KDM3B: variants seen among roughly 807,000 people sequenced by gnomAD.
KDM3B encodes lysine demethylase 3B.
A neutral mutation model predicts 170.0 loss-of-function variants in KDM3B; 10 were observed. The observed-to-expected ratio is 0.06, with a 90% CI of 0.04 to 0.10. The LOEUF is 0.10. Among genes scored for constraint, KDM3B ranks in the 10% least tolerant of loss-of-function variants. The probability of loss-of-function intolerance (pLI) is 1.00; values close to 1 mark genes in which losing one functional copy is unlikely to be tolerated. For missense variants in KDM3B, 1,394 were observed against 2,195.2 expected, an observed-to-expected ratio of 0.64 and a Z score of 7.29; for synonymous variants, 831 against 834.8, an observed-to-expected ratio of 1.00 and a Z score of 0.08.
At chr5:138,406,514 G>A (rs1762825592) in intron 11 of KDM3B, among the ~76,000 whole-genome samples, 1 of 152,144 alleles carries the variant, frequency 6.6e-6, no homozygotes, top group Admixed American at 6.6e-5. Flanking sequence ...GAGCATGGTG[G>A]CAGGCACCTG....
chr5:138,396,169 C>G (rs62380939), intron 9 of KDM3B, among the ~76,000 whole-genome samples: 21,678 of 151,856 alleles, frequency 0.14, 1,825 homozygotes, highest in South Asian at 0.25. Flanking sequence ...AATCTTGGCT[C>G]ACTGCAATCT....
At chr5:138,410,901 A>G (rs934200437) in intron 11 of KDM3B, among the ~76,000 whole-genome samples, 3 of 152,248 alleles carry the variant, frequency 2.0e-5, no homozygotes, top group Non-Finnish European at 2.9e-5. Flanking sequence ...GCTATCTAGA[A>G]GGCAGAGCCA....
In KDM3B at chr5:138,428,229, G is replaced by A. The variant is rs549842944; in HGVS notation, c.4753+143G>A. The A allele has an allele frequency of 2.5e-5, 22 of 882,144 alleles. No individual in the cohort carries two copies. In the Admixed American group the frequency reaches 2.6e-4, roughly 10 times the overall value. The allele number at this position is 882,144 out of a possible 1,614,324, so 54.6% of individuals were successfully genotyped here. ...TGTTTTTTTTTTTGGGGGGCGGGGA[G>A]GCAGAGTCTCGCTCTGTCCCCCAGG... On this transcript the variant is annotated intron_variant, in intron 20 of 23. Coordinates refer to ENST00000314358, the MANE Select transcript of KDM3B (RefSeq NM_016604.4).
chr5:138,388,769 G>A (rs796879428), intron 7 of KDM3B, among the ~76,000 whole-genome samples: 17 of 152,086 alleles, frequency 1.1e-4, no homozygotes, highest in African/African-American at 2.7e-4. Context: ...CCAAGATTGC[G>A]CCACTGCACT....
intron 1 of KDM3B, among the ~76,000 whole-genome samples, chr5:138,366,622 A>T (rs900006035): frequency 3.0e-4 from 45 of 152,096 alleles, no homozygotes; most frequent in African/African-American, 1.1e-3. Context: ...ATCAGCCACC[A>T]TGCCTGGCCC....
At chr5:138,357,991 ATTATTTAT>A (rs762732856) in intron 1 of KDM3B, among the ~76,000 whole-genome samples, 4 of 144,012 alleles carry the variant, frequency 2.8e-5, no homozygotes, top group African/African-American at 7.9e-5. Context: ...CTGGCATGGA[ATTATTTAT>A]TTATTTATTT....
chr5:138,435,356 T>TAA (rs1353150776), intron 23 of KDM3B, among the ~76,000 whole-genome samples: 3 of 152,176 alleles, frequency 2.0e-5, no homozygotes, highest in Non-Finnish European at 2.9e-5. Context: ...AAGGTCCACA[T>TAA]AAAGAGCTCA....
chr5:138,385,092 G>T (rs1762225128), intron 6 of KDM3B, among the ~76,000 whole-genome samples: 1 of 151,404 alleles, frequency 6.6e-6, no homozygotes, highest in South Asian at 2.1e-4. Flanking sequence ...CGCAATCTCG[G>T]CTCACTGCAA....
At chr5:138,407,703 G>A (rs1683062187) in intron 11 of KDM3B, among the ~76,000 whole-genome samples, 1 of 152,136 alleles carries the variant, frequency 6.6e-6, no homozygotes, top group Non-Finnish European at 1.5e-5. Context: ...ACTCCAAATG[G>A]TGCTGCAGAC....
At chr5:138,381,910 G>A (rs1175874319) in intron 6 of KDM3B, among the ~76,000 whole-genome samples, 1 of 151,948 alleles carries the variant, frequency 6.6e-6, no homozygotes, top group Non-Finnish European at 1.5e-5. Context: ...ATAAGCAGTA[G>A]TAATACTCGT....
chr5:138,398,511 C>T (rs1031815442), intron 10 of KDM3B, 119 bp downstream of exon 10: 7 of 778,146 alleles, frequency 9.0e-6, no homozygotes, highest in South Asian at 8.7e-5. Flanking sequence ...GAATTAAGAC[C>T]GATAAGACTT....
intron 14 of KDM3B, among the ~76,000 whole-genome samples, chr5:138,419,669 ATAT>A (rs1285671196): frequency 2.9e-4 from 26 of 91,078 alleles, no homozygotes; most frequent in Admixed American, 8.7e-4. Flanking sequence ...AAAAAAAAAA[ATAT>A]ATATATATAT....
chr5:138,359,462 C>G (rs964225724), intron 1 of KDM3B, among the ~76,000 whole-genome samples: 27 of 145,742 alleles, frequency 1.9e-4, no homozygotes, highest in African/African-American at 4.7e-4. Flanking sequence ...GTGCCCCCCC[C>G]ACCTTTTTTT....
chr5:138,381,227 A>G (rs1332090793), intron 5 of KDM3B, among the ~76,000 whole-genome samples: 1 of 152,162 alleles, frequency 6.6e-6, no homozygotes, highest in East Asian at 1.9e-4. Flanking sequence ...GTTTCATACT[A>G]TACAGAATAG....
intron 7 of KDM3B, among the ~76,000 whole-genome samples, chr5:138,388,115 C>G (rs959877373): frequency 1.3e-5 from 2 of 151,948 alleles, no homozygotes; most frequent in South Asian, 2.1e-4. Flanking sequence ...AACTCCATGT[C>G]AAAGGCAGTG....
chr5:138,430,788 G>A (rs1018334290), intron 22 of KDM3B, among the ~76,000 whole-genome samples: 1 of 152,148 alleles, frequency 6.6e-6, no homozygotes, highest in Non-Finnish European at 1.5e-5. Context: ...TACTCAGGAG[G>A]CTGAGGCAGG....
Position 138,398,409 on chromosome 5 carries a change from C to T in KDM3B, c.3046+17C>T. ...AGCCACACCGTAAGTCACCTTCTCA[C>T]TTGTCTTCCAGGTGCTCCTAGTGAA... On this transcript the variant is annotated intron_variant, in intron 10 of 23. Coordinates refer to ENST00000314358, the MANE Select transcript of KDM3B (RefSeq NM_016604.4). 1 of 1,608,008 alleles carries T rather than the reference C, an allele frequency of 6.2e-7. No homozygotes were observed. Among genetic ancestry groups the T allele is most frequent in the Non-Finnish European group, 8.5e-7 (1 of 1,175,400 alleles).
chr5:138,381,098 T>C (rs1441689960), intron 5 of KDM3B, among the ~76,000 whole-genome samples: 1 of 152,156 alleles, frequency 6.6e-6, no homozygotes, highest in Non-Finnish European at 1.5e-5. Flanking sequence ...GGTCTTGAAC[T>C]GCTGACCTCA....
chr5:138,358,229 T>C (rs1761503315), intron 1 of KDM3B, among the ~76,000 whole-genome samples: 1 of 151,030 alleles, frequency 6.6e-6, no homozygotes, highest in East Asian at 2.0e-4. Flanking sequence ...GTGATCTGCC[T>C]GCCTCGGCCT....
Sources: gnomAD v4.1 joint callset for allele counts (sites outside exome capture counted in the v4.1 genomes callset) on GRCh38, gnomAD v4.1.1 for gene constraint, MANE v1.5 for transcripts, NCBI Gene and HGNC (gene_info 2026-07-23, HGNC 2026-07-21) for gene names.